Variants in ZDHHC21 observed in about 807,000 individuals in gnomAD.
The protein encoded by ZDHHC21 is palmitoyltransferase ZDHHC21.
Under a neutral mutation model 34.6 loss-of-function variants are expected in ZDHHC21, and 15 were observed. The ratio of observed to expected loss-of-function variants is 0.43; its 90% CI spans 0.29 to 0.67. The LOEUF is 0.67. ZDHHC21 is among the 30% of genes least tolerant of loss of function. ZDHHC21 has a pLI of 0.14. For synonymous variants in ZDHHC21, 142 were observed against 101.8 expected, an observed-to-expected ratio of 1.40 and a Z score of -2.38; for missense variants, 344 against 327.7, an observed-to-expected ratio of 1.05 and a Z score of -0.38.
intron 7 of ZDHHC21, among the ~76,000 whole-genome samples, chr9:14,654,681 T>A (rs1464619613): frequency 1.3e-5 from 2 of 151,952 alleles, no homozygotes; most frequent in African/African-American, 4.8e-5. Flanking sequence ...AAGTATCAAA[T>A]GGAAATTCTA....
the ZDHHC21 span, among the ~76,000 whole-genome samples, chr9:14,595,660 G>T: frequency 6.6e-6 from 1 of 152,136 alleles, no homozygotes; most frequent in Non-Finnish European, 1.5e-5. Flanking sequence ...TCTGACAAAG[G>T]AATGGTATCC....
chr9:14,603,498 A>G, the ZDHHC21 span, among the ~76,000 whole-genome samples: 10 of 152,074 alleles, frequency 6.6e-5, no homozygotes, highest in Non-Finnish European at 1.3e-4. Flanking sequence ...TTGTTGTGGT[A>G]TTTTTCCCCA....
At chr9:14,648,324 T>C (rs982721951) in intron 7 of ZDHHC21, among the ~76,000 whole-genome samples, 1 of 151,902 alleles carries the variant, frequency 6.6e-6, no homozygotes, top group South Asian at 2.1e-4. Flanking sequence ...CAGGTTTTTT[T>C]TACTAAAATG....
the ZDHHC21 span, among the ~76,000 whole-genome samples, chr9:14,605,335 G>T: frequency 6.6e-6 from 1 of 151,812 alleles, no homozygotes; most frequent in African/African-American, 2.4e-5. Context: ...GTACATAAGG[G>T]TTCCAATTTC....
At chr9:14,674,514 ATATAT>A (rs1213917499) in intron 3 of ZDHHC21, 129 bp from the exon 4 acceptor site, 1 of 521,370 alleles carries the variant, frequency 1.9e-6, no homozygotes, top group Non-Finnish European at 3.3e-6. Flanking sequence ...TCTGTAGTTG[ATATAT>A]TTATTGATAT....
In ZDHHC21 at chr9:14,639,921, TAA is replaced by T; in HGVS notation, c.594_595del (p.Phe198LeufsTer15). On this transcript the variant is annotated frameshift_variant, in exon 8 of 10. Transcript: ENST00000380916. LOFTEE classifies it high-confidence loss of function. The stretch of plus-strand genomic sequence containing the variant: ...TGTGATGATGCCAATTAGTTGAGTG[TAA>T]AAGAGTCCAGTTATTCCAACTAACA... 2.5e-6 allele frequency: 4 copies of T among 1,604,768 alleles called. No homozygotes were observed. The highest frequency in any genetic ancestry group is 3.4e-6 in the Non-Finnish European group (4 of 1,174,302).
At chr9:14,693,045 G>C (rs142824016) in intron 1 of ZDHHC21, among the ~76,000 whole-genome samples, 184 bp downstream of exon 1, 1,837 of 151,840 alleles carry the variant, frequency 0.012, 12 homozygotes, top group Middle Eastern at 0.058. Context: ...GGGAGGCACC[G>C]AGAAACCCCC....
In ZDHHC21 at chr9:14,612,311, T is replaced by A. The variant is rs1564164210; in HGVS notation, c.*6655A>T. 6.6e-6 allele frequency: 1 copy of A among 152,016 alleles called. No homozygotes were observed. Among genetic ancestry groups the A allele is most frequent in the Non-Finnish European group, 1.5e-5 (1 of 67,936 alleles). 9.4% of individuals were successfully genotyped at this position (152,016 alleles called of 1,614,324 possible). On this transcript the variant is annotated 3_prime_UTR_variant, in exon 10 of 10. Coordinates refer to ENST00000380916, the MANE Select transcript of ZDHHC21 (RefSeq NM_178566.6). ...AACAATAATGCAAAATATTTTCAAA[T>A]GTGAATGTCTGCCTTTCCAATATAC...
chr9:14,650,427 A>G (rs1046926179), intron 7 of ZDHHC21, among the ~76,000 whole-genome samples: 1 of 151,988 alleles, frequency 6.6e-6, no homozygotes, highest in Non-Finnish European at 1.5e-5. Context: ...TATTCTTTCC[A>G]AAAATCTAAA....
chr9:14,638,673 T>TA (rs1330119661), intron 8 of ZDHHC21, among the ~76,000 whole-genome samples: 6 of 145,212 alleles, frequency 4.1e-5, no homozygotes, highest in Non-Finnish European at 6.1e-5. Context: ...ACTCAACAAT[T>TA]AAAAAAAAAA....
chr9:14,642,959 C>G (rs992279932), intron 7 of ZDHHC21, among the ~76,000 whole-genome samples: 2 of 152,176 alleles, frequency 1.3e-5, no homozygotes, highest in Admixed American at 6.5e-5. Context: ...TAACACTGGG[C>G]TGGGTACGGT....
At chr9:14,609,549 A>C (rs933503106), downstream of ZDHHC21, among the ~76,000 whole-genome samples, 1 of 152,160 alleles carries the variant, frequency 6.6e-6, no homozygotes, top group Non-Finnish European at 1.5e-5. Context: ...ATCTGTCACC[A>C]CAAACTTAAC....
the ZDHHC21 span, chr9:14,588,874 C>G: frequency 6.6e-6 from 1 of 152,084 alleles, no homozygotes; most frequent in Non-Finnish European, 1.5e-5. Context: ...TATGTTTCCA[C>G]AATGAGCCCA....
intron 8 of ZDHHC21, among the ~76,000 whole-genome samples, chr9:14,626,894 C>T (rs1826335689): frequency 6.6e-6 from 1 of 151,848 alleles, no homozygotes; most frequent in South Asian, 2.1e-4. Flanking sequence ...ATTGGGAATA[C>T]TACATTAGAA....
At chr9:14,691,342 T>C (rs73409735) in intron 1 of ZDHHC21, among the ~76,000 whole-genome samples, 2,666 of 152,364 alleles carry the variant, frequency 0.017, 82 homozygotes, top group African/African-American at 0.061. Context: ...CTATTCACTA[T>C]AACAGGTCCC....
At position 14,634,884 on chromosome 9, in the gene ZDHHC21, CAAAA is replaced by C. The variant is rs201720000; in HGVS notation, c.621+5008_621+5011del. The stretch of plus-strand genomic sequence containing the variant: ...TATATGAAATCCCAGAAAAATAATT[CAAAA>C]TAATATTAAAGAAGCTCATTGAGAT... On this transcript the variant is annotated intron_variant, in intron 8 of 9. Coordinates refer to ENST00000380916, the MANE Select transcript of ZDHHC21 (RefSeq NM_178566.6). Among the ~76,000 whole-genome samples, 935 of 151,734 alleles carry C rather than the reference CAAAA, an allele frequency of 6.2e-3. 10 individuals are homozygous for C. Among genetic ancestry groups the C allele is most frequent in the African/African-American group, 0.021 (853 of 41,372 alleles).
chr9:14,615,972 A>C lies in ZDHHC21; in HGVS notation c.*2994T>G, dbSNP rs1164731133. The C allele has an allele frequency of 6.6e-6, 1 of 151,690 alleles. No homozygotes were observed. The highest frequency in any genetic ancestry group is 1.5e-5 in the Non-Finnish European group (1 of 67,718). 9.4% of individuals were successfully genotyped at this position (151,690 alleles called of 1,614,324 possible). On this transcript the variant is annotated 3_prime_UTR_variant, in exon 10 of 10. Transcript: ENST00000380916. Reference sequence around the variant, plus strand: ...CTTTAGTTGTTTTCAGTTATCCAGAATACATAAGAAATTGTTACTAAAACT... The same window carrying C: ...CTTTAGTTGTTTTCAGTTATCCAGACTACATAAGAAATTGTTACTAAAACT...
chr9:14,658,847 G>A lies in ZDHHC21; in HGVS notation c.406C>T (p.Leu136=), dbSNP rs140416852. 94 of 1,612,950 alleles carry A rather than the reference G, an allele frequency of 5.8e-5. No individual in the cohort carries two copies. Among genetic ancestry groups the A allele is most frequent in the Middle Eastern group, 1.6e-4 (1 of 6,080 alleles). Reference sequence around the variant, plus strand: ...AGTTCAGTGTAGAAACACAACTGCAGAAAGAGCCAATGATTATCTTCACCA... The same window carrying A: ...AGTTCAGTGTAGAAACACAACTGCAAAAAGAGCCAATGATTATCTTCACCA... ...CVGEDNHWLF[L]QLCFYTELLT... The change falls in exon 7 of 10, where the codon CTG becomes TTG. Residue 136 remains leucine, a synonymous_variant. Transcript: ENST00000380916.
intron 2 of ZDHHC21, among the ~76,000 whole-genome samples, chr9:14,687,763 A>G (rs1838556600): frequency 6.6e-6 from 1 of 151,058 alleles, no homozygotes; most frequent in Non-Finnish European, 1.5e-5. Context: ...TTTCAAAACT[A>G]TAAAATGTCA....
Sources: allele counts gnomAD v4.1 joint callset (sites outside exome capture counted in the v4.1 genomes callset), GRCh38; gene constraint gnomAD v4.1.1; transcripts MANE v1.5; gene names NCBI Gene and HGNC (gene_info 2026-07-23, HGNC 2026-07-21).